KIAA1549L: variants seen among roughly 807,000 people sequenced by gnomAD.
KIAA1549L encodes UPF0606 protein KIAA1549L.
In KIAA1549L, 88 loss-of-function variants were observed where a neutral mutation model predicts 160.7. The ratio of observed to expected loss-of-function variants is 0.55; its 90% CI spans 0.46 to 0.65. The LOEUF (loss-of-function observed/expected upper bound fraction) is 0.65, where lower values mean the gene tolerates loss of function less well. Ranked by LOEUF, KIAA1549L falls within the 30% of genes least tolerant of loss-of-function variation. The pLI, the probability that KIAA1549L is intolerant of heterozygous loss-of-function variation, is 0.00. For synonymous variants in KIAA1549L, 950 were observed against 976.7 expected, an observed-to-expected ratio of 0.97 and a Z score of 0.51; for missense variants, 2,258 against 2,437.5, an observed-to-expected ratio of 0.93 and a Z score of 1.55.
In KIAA1549L at chr11:33,671,601, C is replaced by A. The variant is rs193010333; in HGVS notation, c.*3447C>A. On this transcript the variant is annotated 3_prime_UTR_variant, in exon 21 of 21. Coordinates refer to ENST00000658780, the MANE Select transcript of KIAA1549L (RefSeq NM_012194.3). The stretch of plus-strand genomic sequence containing the variant: ...ATTAAAACACACACACACACACACA[C>A]ACACACACACACACACCCTACTTCG... The A allele has an allele frequency of 6.6e-6, 1 of 152,120 alleles. No homozygotes were observed. Among genetic ancestry groups the A allele is most frequent in the East Asian group, 1.9e-4 (1 of 5,194 alleles). 9.4% of individuals were successfully genotyped at this position (152,120 alleles called of 1,614,324 possible).
intron 4 of KIAA1549L, 107 bp downstream of exon 4, chr11:33,547,986 C>A (rs1218280157): frequency 5.6e-6 from 4 of 715,246 alleles, no homozygotes; most frequent in Admixed American, 2.5e-5. Flanking sequence ...ACAACACTGG[C>A]CAGAAGTAGA....
chr11:33,644,369 T>G (rs59408919), intron 16 of KIAA1549L, among the ~76,000 whole-genome samples: 9,528 of 152,290 alleles, frequency 0.063, 1,011 homozygotes, highest in African/African-American at 0.22. Context: ...GACCTTCATG[T>G]GTAATATTTA....
At chr11:33,458,572 T>G (rs1851876747) in intron 1 of KIAA1549L, among the ~76,000 whole-genome samples, 1 of 152,170 alleles carries the variant, frequency 6.6e-6, no homozygotes, top group Non-Finnish European at 1.5e-5. Flanking sequence ...TGAGGGGAGC[T>G]GTGTCAAAGC....
At chr11:33,564,432 C>T (rs11032297) in intron 8 of KIAA1549L, among the ~76,000 whole-genome samples, 15,374 of 152,244 alleles carry the variant, frequency 0.1, 1,064 homozygotes, top group East Asian at 0.32. Context: ...TTGCAAACTG[C>T]ACATACTTCT....
intron 16 of KIAA1549L, among the ~76,000 whole-genome samples, chr11:33,639,304 A>G (rs1190768367): frequency 6.6e-6 from 1 of 152,170 alleles, no homozygotes; most frequent in South Asian, 2.1e-4. Flanking sequence ...AAACAACATT[A>G]AAAGAATTCC....
intron 8 of KIAA1549L, among the ~76,000 whole-genome samples, chr11:33,566,404 A>T (rs1010402215): frequency 2.0e-5 from 3 of 152,236 alleles, no homozygotes; most frequent in Non-Finnish European, 4.4e-5. Flanking sequence ...GAGGTGGGCC[A>T]GCCCTTCCAT....
intron 1 of KIAA1549L, among the ~76,000 whole-genome samples, chr11:33,434,154 A>AT (rs927867293): frequency 2.6e-4 from 39 of 152,092 alleles, no homozygotes; most frequent in African/African-American, 9.2e-4. Flanking sequence ...TGATACACAG[A>AT]TTTTTTTAAA....
chr11:33,587,290 T>A (rs1779607311), intron 11 of KIAA1549L, among the ~76,000 whole-genome samples: 1 of 152,246 alleles, frequency 6.6e-6, no homozygotes, highest in Admixed American at 6.5e-5. Flanking sequence ...TATAGCTACT[T>A]CATGATATTT....
intron 10 of KIAA1549L, among the ~76,000 whole-genome samples, 171 bp from the exon 11 acceptor site, chr11:33,583,167 C>T (rs1855696880): frequency 6.6e-6 from 1 of 152,190 alleles, no homozygotes; most frequent in Non-Finnish European, 1.5e-5. Flanking sequence ...GCTTAAGCCA[C>T]TTGCCCAAGG....
At chr11:33,399,662 C>T (rs1565120266) in intron 1 of KIAA1549L, among the ~76,000 whole-genome samples, 1 of 152,210 alleles carries the variant, frequency 6.6e-6, no homozygotes, top group East Asian at 1.9e-4. Context: ...TCCCCCTCAC[C>T]CTCCAGGGTT....
At chr11:33,597,984 C>T (rs1850247196) in intron 12 of KIAA1549L, among the ~76,000 whole-genome samples, 1 of 152,152 alleles carries the variant, frequency 6.6e-6, no homozygotes, top group Non-Finnish European at 1.5e-5. Context: ...GTTTTAAAAG[C>T]ACGCAGTAAA....
At chr11:33,420,238 T>TGTTTTTTTTTTTTTTTTTGTTTTG (rs200546918) in intron 1 of KIAA1549L, among the ~76,000 whole-genome samples, 12 of 148,168 alleles carry the variant, frequency 8.1e-5, no homozygotes, top group Admixed American at 2.0e-4. Flanking sequence ...TTTTTTTGTT[T>TGTTTTTTTTTTTTTTTTTGTTTTG]TTTTTTTTTT....
chr11:33,396,811 A>G (rs1446111694), intron 1 of KIAA1549L, among the ~76,000 whole-genome samples: 1 of 151,998 alleles, frequency 6.6e-6, no homozygotes, highest in Non-Finnish European at 1.5e-5. Context: ...TTAGCAAAGC[A>G]TGGTGGTGCA....
At chr11:33,397,560 A>C (rs913497042) in intron 1 of KIAA1549L, among the ~76,000 whole-genome samples, 2 of 150,014 alleles carry the variant, frequency 1.3e-5, no homozygotes, top group African/African-American at 4.9e-5. Context: ...AAAACTACAA[A>C]AATTAGCCGG....
rs767258672 is a variant in KIAA1549L at position 33,551,137 on chromosome 11, G to T, written c.3599G>T (p.Gly1200Val). The T allele has an allele frequency of 1.9e-6, 3 of 1,613,864 alleles. No homozygotes were observed. Residue 1200 changes from glycine (G) to valine (V), a missense_variant, in exon 5 of 21, where the codon GGT (glycine) becomes GTT (valine). Gly to Val is a moderately radical substitution (Grantham distance 109). This residue lies in a region of KIAA1549L where 1,359 missense variants were observed against 1,546.6 expected (regional missense o/e 0.88). Coordinates refer to ENST00000658780, the MANE Select transcript of KIAA1549L (RefSeq NM_012194.3). ...CCTGCTGTGGTGATCGAAATGCTGG[G>T]TGTGTATGGAGTCAGCAACGTCACT... ...YLPAVVIEML[G>V]VYGVSNVTAD...
chr11:33,441,127 G>A (rs1203473562), intron 1 of KIAA1549L, among the ~76,000 whole-genome samples: 1 of 143,822 alleles, frequency 7.0e-6, no homozygotes, highest in Non-Finnish European at 1.5e-5. Flanking sequence ...GTGTCCATGT[G>A]TTCTCATTGT....
chr11:33,540,672 A>G (rs1853998781), intron 1 of KIAA1549L, among the ~76,000 whole-genome samples: 1 of 152,228 alleles, frequency 6.6e-6, no homozygotes. Context: ...TTAATGAAAT[A>G]CTATGCAGAC....
chr11:33,474,731 T>C (rs1369818563), intron 1 of KIAA1549L, among the ~76,000 whole-genome samples: 1 of 152,230 alleles, frequency 6.6e-6, no homozygotes, highest in African/African-American at 2.4e-5. Context: ...CAAAGAGTAC[T>C]GCATAGAAAC....
chr11:33,643,591 G>GA (rs1554928189), intron 16 of KIAA1549L, among the ~76,000 whole-genome samples: 1 of 152,134 alleles, frequency 6.6e-6, no homozygotes, highest in Non-Finnish European at 1.5e-5. Context: ...ATGTAGGGAG[G>GA]AAGGGCCTTG....
Sources: allele counts gnomAD v4.1 joint callset (sites outside exome capture counted in the v4.1 genomes callset), GRCh38; gene constraint gnomAD v4.1.1; regional missense constraint gnomAD v4.1.1; transcripts MANE v1.5; gene names NCBI Gene and HGNC (gene_info 2026-07-23, HGNC 2026-07-21).